DLG2: variants seen among roughly 807,000 people sequenced by gnomAD.
The protein encoded by DLG2 is discs large MAGUK scaffold protein 2.
In DLG2, 45 loss-of-function variants were observed where a neutral mutation model predicts 132.5. That is an observed-to-expected ratio of 0.34 (90% confidence interval 0.27 to 0.44). The LOEUF (loss-of-function observed/expected upper bound fraction) is 0.44, where lower values mean the gene tolerates loss of function less well. Among genes scored for constraint, DLG2 ranks in the 20% least tolerant of loss-of-function variants. The probability of loss-of-function intolerance (pLI) is 1.00; values close to 1 mark genes in which losing one functional copy is unlikely to be tolerated. For missense variants in DLG2, 1,045 were observed against 1,196.9 expected, an observed-to-expected ratio of 0.87 and a Z score of 1.87; for synonymous variants, 424 against 419.6, an observed-to-expected ratio of 1.01 and a Z score of -0.13.
chr11:83,729,349 A>G (rs2090573296), intron 18 of DLG2, among the ~76,000 whole-genome samples: 1 of 152,206 alleles, frequency 6.6e-6, no homozygotes, highest in Non-Finnish European at 1.5e-5. Context: ...TGTGACAGTT[A>G]CTGAATGAAA....
intron 21 of DLG2, among the ~76,000 whole-genome samples, chr11:83,488,845 A>C (rs1236122160): frequency 6.6e-6 from 1 of 152,044 alleles, no homozygotes; most frequent in Admixed American, 6.6e-5. Flanking sequence ...TGTATTATAC[A>C]AATCTTATTT....
At chr11:83,785,087 C>T (rs936473254) in intron 18 of DLG2, among the ~76,000 whole-genome samples, 6 of 151,838 alleles carry the variant, frequency 4.0e-5, no homozygotes, top group African/African-American at 1.2e-4. Context: ...TGGAGTCTTG[C>T]TCTGTCACCC....
intron 10 of DLG2, among the ~76,000 whole-genome samples, chr11:84,075,124 T>C (rs1324198946): frequency 6.6e-6 from 1 of 152,168 alleles, no homozygotes; most frequent in Non-Finnish European, 1.5e-5. Context: ...TAGCTCCTAT[T>C]TGTCATTAAG....
chr11:85,390,485 T>C (rs1490999180), intron 3 of DLG2, among the ~76,000 whole-genome samples: 1 of 152,028 alleles, frequency 6.6e-6, no homozygotes, highest in Non-Finnish European at 1.5e-5. Context: ...ACTTAAAGTA[T>C]ACCCTGGAAC....
intron 10 of DLG2, among the ~76,000 whole-genome samples, chr11:84,066,915 T>G (rs1481311738): frequency 2.0e-4 from 31 of 152,290 alleles, no homozygotes; most frequent in Non-Finnish European, 2.9e-5. Flanking sequence ...AATGAATTAA[T>G]TACAGACCAA....
At chr11:83,490,554 G>A (rs1400544070) in intron 21 of DLG2, among the ~76,000 whole-genome samples, 2 of 151,914 alleles carry the variant, frequency 1.3e-5, no homozygotes, top group Non-Finnish European at 2.9e-5. Context: ...TGGGGAATAG[G>A]ATATTTATCT....
intron 15 of DLG2, among the ~76,000 whole-genome samples, chr11:83,905,341 T>G (rs1391245809): frequency 6.6e-6 from 1 of 152,166 alleles, no homozygotes; most frequent in Non-Finnish European, 1.5e-5. Context: ...TTACCCATCC[T>G]CTGGGGCTCC....
intron 7 of DLG2, among the ~76,000 whole-genome samples, chr11:84,384,551 C>A (rs181504302): frequency 4.6e-5 from 7 of 152,102 alleles, no homozygotes; most frequent in Admixed American, 3.9e-4. Flanking sequence ...AACTGCGTAA[C>A]CTTTGAGGTC....
At chr11:85,527,440 T>C (rs775794424) in intron 3 of DLG2, among the ~76,000 whole-genome samples, 67 of 152,074 alleles carry the variant, frequency 4.4e-4, no homozygotes, top group Non-Finnish European at 7.4e-4. Flanking sequence ...AGTGGGAACA[T>C]GTGGTGTTTG....
intron 9 of DLG2, among the ~76,000 whole-genome samples, chr11:84,104,099 A>G (rs2092730522): frequency 6.6e-6 from 1 of 152,164 alleles, no homozygotes; most frequent in Non-Finnish European, 1.5e-5. Context: ...ATATTGTGGT[A>G]CATTTATCTG....
At chr11:84,695,289 C>T (rs1027619224) in intron 6 of DLG2, among the ~76,000 whole-genome samples, 1 of 151,500 alleles carries the variant, frequency 6.6e-6, no homozygotes, top group African/African-American at 2.4e-5. Context: ...AGAGGTAAGA[C>T]TTAATCCTTG....
At chr11:84,630,745 G>A (rs2099630123) in intron 6 of DLG2, among the ~76,000 whole-genome samples, 1 of 151,850 alleles carries the variant, frequency 6.6e-6, no homozygotes, top group African/African-American at 2.4e-5. Context: ...TATTCTGATG[G>A]CATAACTCTT....
intron 4 of DLG2, among the ~76,000 whole-genome samples, chr11:85,265,219 T>G (rs1016211079): frequency 6.6e-6 from 1 of 152,204 alleles, no homozygotes; most frequent in African/African-American, 2.4e-5. Flanking sequence ...AATATCTGCA[T>G]GACCCCACTG....
At chr11:83,828,774 T>C (rs1295888757) in intron 17 of DLG2, among the ~76,000 whole-genome samples, 1 of 152,222 alleles carries the variant, frequency 6.6e-6, no homozygotes, top group African/African-American at 2.4e-5. Flanking sequence ...GCAGAGTTGA[T>C]AGTAATAGCA....
intron 4 of DLG2, among the ~76,000 whole-genome samples, chr11:85,259,721 C>T (rs1449809792): frequency 6.6e-6 from 1 of 151,948 alleles, no homozygotes; most frequent in Non-Finnish European, 1.5e-5. Flanking sequence ...TTCTGTCTTA[C>T]TTCTCATTGA....
chr11:83,913,656 A>C (rs2076444123), intron 15 of DLG2, among the ~76,000 whole-genome samples: 1 of 152,136 alleles, frequency 6.6e-6, no homozygotes, highest in African/African-American at 2.4e-5. Context: ...TACTCATGTG[A>C]ACAGACCTGT....
chr11:83,666,607 G>A (rs1298728030), intron 18 of DLG2, among the ~76,000 whole-genome samples: 2 of 152,170 alleles, frequency 1.3e-5, no homozygotes, highest in Non-Finnish European at 2.9e-5. Context: ...GTGCCAAAAA[G>A]TTGGGGACCA....
At chr11:83,942,715 A>T (rs966427767) in intron 14 of DLG2, among the ~76,000 whole-genome samples, 5 of 151,700 alleles carry the variant, frequency 3.3e-5, no homozygotes, top group African/African-American at 1.2e-4. Context: ...ATTTCCTTAA[A>T]TTTTTTTTTG....
intron 5 of DLG2, among the ~76,000 whole-genome samples, chr11:85,122,337 G>A (rs1454950801): frequency 1.3e-5 from 2 of 152,182 alleles, no homozygotes; most frequent in African/African-American, 4.8e-5. Context: ...TAAAGGTTAA[G>A]AAATGTATTA....
Sources: allele counts gnomAD v4.1 joint callset (sites outside exome capture counted in the v4.1 genomes callset), GRCh38; gene constraint gnomAD v4.1.1; transcripts MANE v1.5; gene names NCBI Gene and HGNC (gene_info 2026-07-23, HGNC 2026-07-21).